The following DDX54 variants were observed in gnomAD, a reference collection of about 807,000 sequenced individuals.
DDX54 encodes the protein DEAD-box helicase 54, also known as ATP-dependent RNA helicase DDX54.
Under a neutral mutation model 105.5 loss-of-function variants are expected in DDX54, and 67 were observed. The observed-to-expected ratio is 0.64, with a 90% confidence interval of 0.52 to 0.78. DDX54 has a LOEUF of 0.78. DDX54 is among the 30% of genes least tolerant of loss of function. The probability of loss-of-function intolerance (pLI) is 0.00; values close to 1 mark genes in which losing one functional copy is unlikely to be tolerated. For missense variants in DDX54, 1,206 were observed against 1,230.5 expected (o/e 0.98, Z 0.30); for synonymous variants, 514 against 509.9 (o/e 1.01, Z -0.11).
intron 1 of DDX54, 33 bp from the exon 2 acceptor site, chr12:113,181,091 C>T (rs767710585): frequency 1.9e-6 from 3 of 1,598,630 alleles, no homozygotes; most frequent in Non-Finnish European, 2.6e-6. Context: ...TGGTGTCACT[C>T]CAGGCACAGT....
At chr12:113,177,769 C>G (rs1353393265) in intron 5 of DDX54, among the ~76,000 whole-genome samples, 4 of 152,180 alleles carry the variant, frequency 2.6e-5, no homozygotes, top group Non-Finnish European at 4.4e-5. Flanking sequence ...CTGATCCCAG[C>G]TCTACTATGG....
At chr12:113,161,570 C>CA (rs1261917771) in intron 18 of DDX54, 188 bp from the exon 19 acceptor site, 2 of 568,544 alleles carry the variant, frequency 3.5e-6, no homozygotes, top group Non-Finnish European at 6.2e-6. Context: ...GCCCCCAGCA[C>CA]CAGGTCCCAC....
At chr12:113,177,951 C>G (rs1325819253) in intron 5 of DDX54, among the ~76,000 whole-genome samples, 1 of 152,174 alleles carries the variant, frequency 6.6e-6, no homozygotes. Flanking sequence ...TTCTAACAGC[C>G]CACAGCCAGG....
intron 11 of DDX54, among the ~76,000 whole-genome samples, chr12:113,170,657 T>C (rs916563001): frequency 1.3e-5 from 2 of 151,952 alleles, no homozygotes; most frequent in Non-Finnish European, 2.9e-5. Flanking sequence ...TCTGTGTAAA[T>C]AAAGATTTAT....
At chr12:113,168,985 CTT>C (rs1040709761) in intron 12 of DDX54, among the ~76,000 whole-genome samples, 1 of 152,012 alleles carries the variant, frequency 6.6e-6, no homozygotes, top group Non-Finnish European at 1.5e-5. Context: ...CTCAGCCTCT[CTT>C]TCCCTCCGCT....
chr12:113,164,485 G>A (rs1952250084), intron 14 of DDX54, among the ~76,000 whole-genome samples, 200 bp from the exon 15 acceptor site: 2 of 151,318 alleles, frequency 1.3e-5, no homozygotes, highest in Non-Finnish European at 1.5e-5. Flanking sequence ...AGGCTGAGGC[G>A]GGTGGATCAC....
intron 11 of DDX54, among the ~76,000 whole-genome samples, chr12:113,170,180 A>T (rs778798486): frequency 2.6e-4 from 40 of 152,302 alleles, no homozygotes; most frequent in South Asian, 8.3e-4. Context: ...CACTTTTGAG[A>T]ATTCCCCGCA....
At chr12:113,167,020 CA>C (rs200605762) in intron 12 of DDX54, among the ~76,000 whole-genome samples, 1,630 of 152,274 alleles carry the variant, frequency 0.011, 15 homozygotes, top group Middle Eastern at 0.024. Context: ...TACCTCACAC[CA>C]AACCTATGAG....
chr12:113,166,952 G>A (rs999717602), intron 12 of DDX54, among the ~76,000 whole-genome samples: 1 of 152,182 alleles, frequency 6.6e-6, no homozygotes, highest in East Asian at 1.9e-4. Context: ...AGAGGATGCC[G>A]GGGACAGAGG....
At position 113,157,533 on chromosome 12, in the gene DDX54, C is replaced by T. The variant is rs917885557; in HGVS notation, c.*1344G>A. The T allele has an allele frequency of 2.9e-5, 39 of 1,335,042 alleles. No individual in the cohort carries two copies. The highest frequency in any genetic ancestry group is 1.2e-4 in the African/African-American group (8 of 68,802). The allele number at this position is 1,335,042 out of a possible 1,614,324, so 82.7% of individuals were successfully genotyped here. A position where few individuals can be genotyped will look rare whatever the true frequency, so the allele number is the denominator to read the frequency against. On this transcript the variant is annotated 3_prime_UTR_variant, in exon 20 of 20. Transcript: ENST00000306014. Reference sequence around the variant, plus strand: ...CCGCCCTACCTTTCGGCCTCCCCCGCGTGTTGAGGGGTGGGGGCTGGACAG... The same window carrying T: ...CCGCCCTACCTTTCGGCCTCCCCCGTGTGTTGAGGGGTGGGGGCTGGACAG...
Position 113,172,493 on chromosome 12 carries a change from T to C in DDX54, c.1139A>G (p.Asn380Ser), listed in dbSNP as rs993558928. 7.4e-6 allele frequency: 12 copies of C among 1,614,122 alleles called. No individual in the cohort carries two copies. Among genetic ancestry groups the C allele is most frequent in the Admixed American group, 5.0e-5 (3 of 60,008 alleles). ...CTTGCCAAGCGTGAATTTGGCGAGATTGATCTTGCGGGCTGTCGGGTCTAG... is the reference window on the plus strand; with the variant it reads ...CTTGCCAAGCGTGAATTTGGCGAGACTGATCTTGCGGGCTGTCGGGTCTAG... ...SALDPTARKINLAKFTLGKCS... is the reference protein window; with the variant it reads ...SALDPTARKISLAKFTLGKCS... Residue 380 changes from asparagine (N) to serine (S), a missense_variant, in exon 11 of 20, where the codon AAT (asparagine) becomes AGT (serine). Transcript: ENST00000306014.
At chr12:113,172,141 T>C (rs1275970022) in intron 11 of DDX54, among the ~76,000 whole-genome samples, 1 of 152,196 alleles carries the variant, frequency 6.6e-6, no homozygotes, top group Non-Finnish European at 1.5e-5. Context: ...TTTTGGTTTT[T>C]TTGAGACAAG....
At position 113,163,110 on chromosome 12, in the gene DDX54, C is replaced by T. The variant is rs1952230250; in HGVS notation, c.2081+22G>A. 4 of 1,612,102 alleles carry T rather than the reference C, an allele frequency of 2.5e-6. No homozygotes were observed. In the African/African-American group the frequency reaches 4.0e-5, roughly 16 times the overall value. On this transcript the variant is annotated intron_variant, in intron 16 of 19. Transcript: ENST00000306014. This position sits in a 1 kb window ranked among gnomAD's most constrained non-coding sequence, Gnocchi z 5.9. ...ACCCAGCGGACCCAACTGCCCCACC[C>T]AGGACCCAGCCAGCCACTCACCCCC...
intron 1 of DDX54, among the ~76,000 whole-genome samples, chr12:113,182,252 G>C (rs1188438922): frequency 6.6e-6 from 1 of 152,198 alleles, no homozygotes; most frequent in Non-Finnish European, 1.5e-5. Flanking sequence ...TGGCTTCAGA[G>C]ACTGTGTTCT....
At chr12:113,159,958 G>A (rs948795642) in intron 19 of DDX54, among the ~76,000 whole-genome samples, 3 of 152,178 alleles carry the variant, frequency 2.0e-5, no homozygotes, top group Non-Finnish European at 2.9e-5. Flanking sequence ...GAGCCAGGGT[G>A]CCTCGCAGGA....
intron 7 of DDX54, among the ~76,000 whole-genome samples, chr12:113,175,509 C>T (rs573649639): frequency 2.0e-5 from 3 of 152,266 alleles, no homozygotes; most frequent in South Asian, 2.1e-4. Context: ...TAGCTGGGGC[C>T]GGGCGCAGTG....
chr12:113,175,560 G>A (rs990319635), intron 7 of DDX54, among the ~76,000 whole-genome samples: 3 of 152,152 alleles, frequency 2.0e-5, no homozygotes, highest in African/African-American at 4.8e-5. Flanking sequence ...AGGCCAAGGC[G>A]GGCGGATCAT....
chr12:113,159,576 C>A (rs1463362819), intron 19 of DDX54, among the ~76,000 whole-genome samples: 1 of 152,160 alleles, frequency 6.6e-6, no homozygotes, highest in Non-Finnish European at 1.5e-5. Context: ...CTCTGAGGCC[C>A]CCCATAGTAA....
intron 12 of DDX54, among the ~76,000 whole-genome samples, chr12:113,166,529 C>T (rs1952278554): frequency 6.6e-6 from 1 of 152,050 alleles, no homozygotes. Flanking sequence ...AGTGACACTC[C>T]ATGTCTACAA....
Sources: gnomAD v4.1 joint callset for allele counts (sites outside exome capture counted in the v4.1 genomes callset) on GRCh38, gnomAD v4.1.1 for gene constraint, Gnocchi (gnomAD v3.1) non-coding constraint, MANE v1.5 for transcripts, NCBI Gene and HGNC (gene_info 2026-07-23, HGNC 2026-07-21) for gene names.